Variants in AASDHPPT observed in about 807,000 individuals in gnomAD.
The protein encoded by AASDHPPT is aminoadipate-semialdehyde dehydrogenase-phosphopantetheinyl transferase.
A neutral mutation model predicts 36.4 loss-of-function variants in AASDHPPT; 23 were observed. That is an observed-to-expected ratio of 0.63 (90% CI 0.45 to 0.89). The LOEUF is 0.89. Ranked by LOEUF, AASDHPPT falls within the 40% of genes least tolerant of loss-of-function variation. AASDHPPT has a pLI of 0.00. For missense variants in AASDHPPT, 377 were observed against 378.2 expected (o/e 1.00, Z 0.03); for synonymous variants, 115 against 128.0 (o/e 0.90, Z 0.68).
intron 2 of AASDHPPT, among the ~76,000 whole-genome samples, chr11:106,082,793 C>A (rs553877156): frequency 6.6e-6 from 1 of 152,206 alleles, no homozygotes; most frequent in East Asian, 1.9e-4. Flanking sequence ...TTATTACCCT[C>A]TTTTGGAAAA....
chr11:106,090,586 A>T lies in AASDHPPT; in HGVS notation c.439A>T (p.Ile147Phe). 1.9e-6 allele frequency: 3 copies of T among 1,597,330 alleles called. No individual in the cohort carries two copies. The highest frequency in any genetic ancestry group is 1.7e-6 in the Non-Finnish European group (2 of 1,174,486). Residue 147 changes from isoleucine (I) to phenylalanine (F), a missense_variant, in exon 3 of 6, where the codon ATT becomes TTT. Transcript: ENST00000278618. Reference sequence around the variant, plus strand: ...TGGTTCAATTCCAGAATTCTTTCATATTATGAAAAGAAAGTTTACCAACAA... The same window carrying T: ...TGGTTCAATTCCAGAATTCTTTCATTTTATGAAAAGAAAGTTTACCAACAA... ...GRGSIPEFFHIMKRKFTNKEW... is the reference protein window; with the variant it reads ...GRGSIPEFFHFMKRKFTNKEW...
chr11:106,096,409 A>T (rs1861313814), intron 5 of AASDHPPT: 1 of 172,694 alleles, frequency 5.8e-6, no homozygotes, highest in South Asian at 1.9e-4. Flanking sequence ...AAATAACCTG[A>T]CTGCTCGTTA....
rs1031403192 is a variant in AASDHPPT at position 106,096,806 on chromosome 11, T to A, written c.829T>A (p.Leu277Ile). ...ATTTACTATTCTCAACTTTAATGAT[T>A]TAATGTCATCTGCCGTTCCCATGAC... Reference protein sequence around the residue: ...RQFTILNFNDLMSSAVPMTPE... With the variant: ...RQFTILNFNDIMSSAVPMTPE... Residue 277 changes from leucine to isoleucine, a missense_variant, in exon 6 of 6, where the codon TTA (leucine) becomes ATA (isoleucine). Coordinates refer to ENST00000278618, the MANE Select transcript of AASDHPPT (RefSeq NM_015423.3). The A allele has an allele frequency of 5.0e-6, 8 of 1,610,658 alleles. No individual in the cohort carries two copies. The highest frequency in any genetic ancestry group is 4.4e-5 in the South Asian group (4 of 90,436).
At chr11:106,092,809 ATT>A (rs1438503770) in intron 4 of AASDHPPT, 1 of 152,172 alleles carries the variant, frequency 6.6e-6, no homozygotes, top group African/African-American at 2.4e-5. Context: ...GCTATTCAGC[ATT>A]TTATTATAAA....
intron 2 of AASDHPPT, among the ~76,000 whole-genome samples, chr11:106,082,070 T>C (rs975394950): frequency 6.6e-6 from 1 of 152,128 alleles, no homozygotes; most frequent in Non-Finnish European, 1.5e-5. Context: ...ATTTAAGATT[T>C]AGTTTTCCTG....
At chr11:106,079,424 T>C (rs555871285) in intron 1 of AASDHPPT, 43 bp from the exon 2 acceptor site, 3 of 1,492,252 alleles carry the variant, frequency 2.0e-6, no homozygotes, top group African/African-American at 1.4e-5. Flanking sequence ...CTTGTATCTT[T>C]AGTAGACATC....
At position 106,097,673 on chromosome 11, in the gene AASDHPPT, A is replaced by G. The variant is rs1861330839; in HGVS notation, c.*766A>G. ...GGCAGAAAAGGCCATTTCGTCTCTCATTTGTTTTATCCATGAGGAAGATTT... is the reference window on the plus strand; with the variant it reads ...GGCAGAAAAGGCCATTTCGTCTCTCGTTTGTTTTATCCATGAGGAAGATTT... On this transcript the variant is annotated 3_prime_UTR_variant, in exon 6 of 6. Coordinates refer to ENST00000278618, the MANE Select transcript of AASDHPPT (RefSeq NM_015423.3). 3 of 152,060 alleles carry G rather than the reference A, an allele frequency of 2.0e-5. No homozygotes were observed. Among genetic ancestry groups the G allele is most frequent in the Admixed American group, 1.3e-4 (2 of 15,260 alleles). 9.4% of individuals were successfully genotyped at this position (152,060 alleles called of 1,614,324 possible). A position where few individuals can be genotyped will look rare whatever the true frequency, so the allele number is the denominator to read the frequency against.
intron 2 of AASDHPPT, chr11:106,085,886 T>A (rs528474884): frequency 6.6e-6 from 1 of 152,358 alleles, no homozygotes; most frequent in African/African-American, 2.4e-5. Context: ...AAATCCACAG[T>A]GCTCCACTGA....
At chr11:106,084,115 A>G (rs1861172490) in intron 2 of AASDHPPT, among the ~76,000 whole-genome samples, 2 of 152,272 alleles carry the variant, frequency 1.3e-5, no homozygotes, top group African/African-American at 4.8e-5. Flanking sequence ...AGAGTAATGC[A>G]AATTAAAGTA....
intron 2 of AASDHPPT, among the ~76,000 whole-genome samples, chr11:106,080,158 C>G (rs577939975): frequency 4.9e-4 from 74 of 152,284 alleles, no homozygotes; most frequent in African/African-American, 1.7e-3. Context: ...AGTTGGCCCT[C>G]TGTCCCCATA....
chr11:106,085,275 G>C (rs1461224527), intron 2 of AASDHPPT, among the ~76,000 whole-genome samples: 1 of 151,952 alleles, frequency 6.6e-6, no homozygotes, highest in African/African-American at 2.4e-5. Context: ...CTAATTTTTT[G>C]TATTTTTAGT....
At chr11:106,079,810 C>T in intron 2 of AASDHPPT, 118 bp downstream of exon 2, 1 of 836,294 alleles carries the variant, frequency 1.2e-6, no homozygotes, top group South Asian at 1.7e-5. Flanking sequence ...GGAAAATGTG[C>T]TTAGTACACA....
At position 106,097,933 on chromosome 11, in the gene AASDHPPT, T is replaced by C. The variant is rs1012029887; in HGVS notation, c.*1026T>C. The C allele has an allele frequency of 6.6e-6, 1 of 152,176 alleles. No individual in the cohort carries two copies. The highest frequency in any genetic ancestry group is 2.4e-5 in the African/African-American group (1 of 41,464). 9.4% of individuals were successfully genotyped at this position (152,176 alleles called of 1,614,324 possible). Reference sequence around the variant, plus strand: ...AGACATTTTGATTATCTGCAGTTTATTACTACAAGCAGTGGCAGAGTGAAT... The same window carrying C: ...AGACATTTTGATTATCTGCAGTTTACTACTACAAGCAGTGGCAGAGTGAAT... On this transcript the variant is annotated 3_prime_UTR_variant, in exon 6 of 6. Transcript: ENST00000278618.
At chr11:106,092,779 A>G (rs540882967) in intron 4 of AASDHPPT, 2 of 152,348 alleles carry the variant, frequency 1.3e-5, no homozygotes, top group East Asian at 3.9e-4. Context: ...TTTCAATACA[A>G]TATTCAATAA....
At chr11:106,082,704 A>G (rs1861156497) in intron 2 of AASDHPPT, among the ~76,000 whole-genome samples, 1 of 152,120 alleles carries the variant, frequency 6.6e-6, no homozygotes, top group African/African-American at 2.4e-5. Flanking sequence ...GAACATACCT[A>G]GTATATAGCC....
rs764322578 is a variant in AASDHPPT, at chr11:106,091,349, G to A, written c.565G>A (p.Val189Ile). 14 of 1,608,872 alleles carry A rather than the reference G, an allele frequency of 8.7e-6. No individual in the cohort carries two copies. The Admixed American group carries it at 1.0e-4, about 12-fold the overall frequency. The stretch of plus-strand genomic sequence containing the variant: ...GGAAAGCTTCATAAAAGCCATTGGT[G>A]TTGGACTAGGATTTGAATTGCAGCG... Reference protein sequence around the residue: ...LKESFIKAIGVGLGFELQRLE... With the variant: ...LKESFIKAIGIGLGFELQRLE... The change falls in exon 4 of 6, where the codon GTT becomes ATT. Residue 189 changes from valine (V) to isoleucine (I), a missense_variant. Physicochemically the swap from Val to Ile is conservative, Grantham distance 29 (BLOSUM62 3). Transcript: ENST00000278618.
chr11:106,081,336 A>C (rs1861138543), intron 2 of AASDHPPT, among the ~76,000 whole-genome samples: 1 of 152,168 alleles, frequency 6.6e-6, no homozygotes, highest in Non-Finnish European at 1.5e-5. Context: ...AAACCTTATA[A>C]CAGATTGTTG....
At chr11:106,087,554 A>C (rs1328905476) in intron 2 of AASDHPPT, among the ~76,000 whole-genome samples, 1 of 152,112 alleles carries the variant, frequency 6.6e-6, no homozygotes, top group African/African-American at 2.4e-5. Flanking sequence ...AGGCTGAGGT[A>C]GTTATATGTA....
intron 2 of AASDHPPT, among the ~76,000 whole-genome samples, chr11:106,086,955 C>T (rs1861204253): frequency 6.6e-6 from 1 of 152,208 alleles, no homozygotes; most frequent in African/African-American, 2.4e-5. Context: ...TCTTGGTCCT[C>T]TTCTTCATTC....
Sources: allele counts gnomAD v4.1 joint callset (sites outside exome capture counted in the v4.1 genomes callset), GRCh38; gene constraint gnomAD v4.1.1; transcripts MANE v1.5; gene names NCBI Gene and HGNC (gene_info 2026-07-23, HGNC 2026-07-21).